The following ZNF521 variants were observed in gnomAD, a reference collection of about 807,000 sequenced individuals.
ZNF521 encodes zinc finger protein 521.
In ZNF521, 14 loss-of-function variants were observed where a neutral mutation model predicts 105.5. The observed-to-expected ratio is 0.13, with a 90% CI of 0.09 to 0.21. The LOEUF is 0.21. Among genes scored for constraint, ZNF521 ranks in the 10% least tolerant of loss-of-function variants. The probability of loss-of-function intolerance (pLI) is 1.00; values close to 1 mark genes in which losing one functional copy is unlikely to be tolerated. For synonymous variants in ZNF521, 635 were observed against 606.0 expected, an observed-to-expected ratio of 1.05 and a Z score of -0.70; for missense variants, 1,233 against 1,629.7, an observed-to-expected ratio of 0.76 and a Z score of 4.19.
intron 3 of ZNF521, among the ~76,000 whole-genome samples, chr18:25,274,148 CTCTGCTATAAG>C (rs1909882959): frequency 6.6e-6 from 1 of 152,192 alleles, no homozygotes; most frequent in African/African-American, 2.4e-5. Flanking sequence ...CCTCCCAAGA[CTCTGCTATAAG>C]AATTATTGAT....
At chr18:25,115,826 T>C (rs1188777470) in intron 5 of ZNF521, among the ~76,000 whole-genome samples, 1 of 152,194 alleles carries the variant, frequency 6.6e-6, no homozygotes, top group South Asian at 2.1e-4. Context: ...TCAAGGCTGG[T>C]TGTCTATTCA....
chr18:25,143,281 G>A (rs1035752424), intron 5 of ZNF521, among the ~76,000 whole-genome samples: 1 of 152,110 alleles, frequency 6.6e-6, no homozygotes, highest in Admixed American at 6.6e-5. Context: ...AACTGTGAAT[G>A]CCTAAACAGA....
chr18:25,227,893 T>C lies in ZNF521; in HGVS notation c.221-196A>G, dbSNP rs1678609837. On this transcript the variant is annotated intron_variant, in intron 3 of 7. Transcript: ENST00000361524. The surrounding 1 kb of genome is among the most constrained non-coding windows in gnomAD (Gnocchi z 5.7). The stretch of plus-strand genomic sequence containing the variant: ...CAGTTATTCTGCATTTACTTTTTGT[T>C]GAGTTGTAAAATATAAGAGGATATT... Among the ~76,000 whole-genome samples the C allele has an allele frequency of 6.6e-6, 1 of 152,240 alleles. No individual in the cohort carries two copies. Among genetic ancestry groups the C allele is most frequent in the Admixed American group, 6.5e-5 (1 of 15,282 alleles).
At chr18:25,193,926 C>T (rs1422197406) in intron 5 of ZNF521, among the ~76,000 whole-genome samples, 1 of 151,802 alleles carries the variant, frequency 6.6e-6, no homozygotes, top group Non-Finnish European at 1.5e-5. Context: ...CCCCAGAAGA[C>T]CTATCATTTG....
At chr18:25,153,489 T>G (rs565158840) in intron 5 of ZNF521, among the ~76,000 whole-genome samples, 74 of 152,300 alleles carry the variant, frequency 4.9e-4, no homozygotes, top group African/African-American at 1.7e-3. Context: ...TTATGGGGCC[T>G]GGCTACTGAG....
chr18:25,105,712 G>C (rs772683927), intron 5 of ZNF521, among the ~76,000 whole-genome samples: 1 of 152,110 alleles, frequency 6.6e-6, no homozygotes. Flanking sequence ...TAGTTACTGA[G>C]AGCCTGGCTC....
At chr18:25,236,926 C>T (rs1461758967) in intron 3 of ZNF521, among the ~76,000 whole-genome samples, 1 of 152,062 alleles carries the variant, frequency 6.6e-6, no homozygotes, top group Non-Finnish European at 1.5e-5. Flanking sequence ...TATAATTTTG[C>T]TAATTCAGCA....
chr18:25,075,795 T>C (rs1373652867), intron 7 of ZNF521, among the ~76,000 whole-genome samples: 3 of 152,206 alleles, frequency 2.0e-5, no homozygotes, highest in Non-Finnish European at 4.4e-5. Flanking sequence ...GAAAAGTTAT[T>C]GTCACATCCT....
At chr18:25,098,914 A>T (rs1364177054) in intron 5 of ZNF521, among the ~76,000 whole-genome samples, 1 of 152,272 alleles carries the variant, frequency 6.6e-6, no homozygotes, top group Middle Eastern at 3.4e-3. Context: ...TTTCCATTTC[A>T]CATAACAGAC....
At chr18:25,317,580 T>C (rs1912710208) in intron 3 of ZNF521, among the ~76,000 whole-genome samples, 1 of 152,216 alleles carries the variant, frequency 6.6e-6, no homozygotes, top group Non-Finnish European at 1.5e-5. Context: ...GTGGGAACGC[T>C]GAAGTTCCCA....
At chr18:25,212,565 A>ATATGTGTG (rs1227568202) in intron 4 of ZNF521, among the ~76,000 whole-genome samples, 21 of 112,874 alleles carry the variant, frequency 1.9e-4, no homozygotes, top group African/African-American at 7.2e-4. Flanking sequence ...ATATATATAT[A>ATATGTGTG]TGTATAGAAA....
At chr18:25,076,919 C>A (rs552825657) in intron 7 of ZNF521, among the ~76,000 whole-genome samples, 1 of 152,176 alleles carries the variant, frequency 6.6e-6, no homozygotes. Flanking sequence ...TCTGTTCCAA[C>A]GGAGGGAGAA....
chr18:25,074,049 TGCACATGTGTGC>T (rs2033292129), intron 7 of ZNF521, among the ~76,000 whole-genome samples: 1 of 150,930 alleles, frequency 6.6e-6, no homozygotes, highest in Admixed American at 6.6e-5. Context: ...TGTGTGTCTG[TGCACATGTGTGC>T]GCACGCGTGT....
intron 5 of ZNF521, among the ~76,000 whole-genome samples, chr18:25,097,808 G>C (rs1158824631): frequency 6.6e-6 from 1 of 152,184 alleles, no homozygotes; most frequent in Non-Finnish European, 1.5e-5. Context: ...GTTACTGGCT[G>C]TTTTTAGCCA....
At chr18:25,067,339 C>A (rs2033095697) in intron 7 of ZNF521, among the ~76,000 whole-genome samples, 1 of 152,006 alleles carries the variant, frequency 6.6e-6, no homozygotes, top group Non-Finnish European at 1.5e-5. Flanking sequence ...TTTTTTTTCT[C>A]TATAAATGTG....
chr18:25,261,587 C>G (rs1306258760), intron 3 of ZNF521, among the ~76,000 whole-genome samples: 1 of 152,112 alleles, frequency 6.6e-6, no homozygotes, highest in South Asian at 2.1e-4. Flanking sequence ...CTCCTCCTCT[C>G]CCTCCTTCAC....
chr18:25,136,744 TAATAAAACAGAA>T (rs2034741772), intron 5 of ZNF521: 1 of 152,214 alleles, frequency 6.6e-6, no homozygotes, highest in Non-Finnish European at 1.5e-5. Flanking sequence ...TGGAGTCTAG[TAATAAAACAGAA>T]AATTATTTCA....
chr18:25,178,947 G>A (rs1244589244), intron 5 of ZNF521, among the ~76,000 whole-genome samples: 1 of 152,134 alleles, frequency 6.6e-6, no homozygotes, highest in Middle Eastern at 3.4e-3. Context: ...CACTAGCTCT[G>A]TTCTGCTCAC....
intron 5 of ZNF521, among the ~76,000 whole-genome samples, chr18:25,116,090 G>C (rs893990346): frequency 2.0e-5 from 3 of 152,168 alleles, no homozygotes; most frequent in African/African-American, 7.2e-5. Flanking sequence ...GGTGACTGAA[G>C]CGATCTGTTG....
Sources: allele counts gnomAD v4.1 joint callset (sites outside exome capture counted in the v4.1 genomes callset), GRCh38; gene constraint gnomAD v4.1.1; non-coding constraint Gnocchi (gnomAD v3.1); transcripts MANE v1.5; gene names NCBI Gene and HGNC (gene_info 2026-07-23, HGNC 2026-07-21).